The following SIM2 variants were observed in gnomAD, a reference collection of about 807,000 sequenced individuals.
The protein encoded by SIM2 is SIM bHLH transcription factor 2, also known as single-minded homolog 2.
A neutral mutation model predicts 64.8 loss-of-function variants in SIM2; 28 were observed. The observed-to-expected ratio is 0.43, with a 90% CI of 0.32 to 0.59. The LOEUF is 0.59. Ranked by LOEUF, SIM2 falls within the 20% of genes least tolerant of loss-of-function variation. SIM2 has a pLI of 0.07. For missense variants in SIM2, 847 were observed against 871.4 expected (o/e 0.97, Z 0.35); for synonymous variants, 408 against 391.1 (o/e 1.04, Z -0.51).
chr21:36,736,518 T>C (rs2089050548), intron 7 of SIM2, among the ~76,000 whole-genome samples: 1 of 152,170 alleles, frequency 6.6e-6, no homozygotes, highest in Non-Finnish European at 1.5e-5. Flanking sequence ...ACTCCCAGCC[T>C]CCAGAAACTT....
chr21:36,715,333 G>A (rs1295087603), intron 3 of SIM2, among the ~76,000 whole-genome samples: 1 of 152,098 alleles, frequency 6.6e-6, no homozygotes, highest in South Asian at 2.1e-4. Context: ...TATTGAATAG[G>A]ATGTCAAATA....
chr21:36,710,815 G>A (rs1285607436), intron 2 of SIM2, among the ~76,000 whole-genome samples: 3 of 152,200 alleles, frequency 2.0e-5, no homozygotes, highest in Non-Finnish European at 2.9e-5. Flanking sequence ...GTGTGGCCGC[G>A]GCGAGTAATG....
chr21:36,734,126 CCACCA>C (rs560325394), intron 7 of SIM2, among the ~76,000 whole-genome samples: 5 of 152,156 alleles, frequency 3.3e-5, no homozygotes, highest in Admixed American at 6.5e-5. Context: ...TCAGCCGTCA[CCACCA>C]CACCACACCA....
chr21:36,740,253 G>A (rs184653128), intron 7 of SIM2, among the ~76,000 whole-genome samples: 36 of 151,940 alleles, frequency 2.4e-4, no homozygotes, highest in African/African-American at 3.9e-4. Flanking sequence ...AGTCCCCCTC[G>A]TGCTTCAGCC....
intron 2 of SIM2, among the ~76,000 whole-genome samples, chr21:36,712,184 T>C (rs971342603): frequency 6.6e-6 from 1 of 152,226 alleles, no homozygotes; most frequent in Non-Finnish European, 1.5e-5. Context: ...CTAAGTACCA[T>C]AGAACTCCGG....
In SIM2 at chr21:36,743,213, A is replaced by G. The variant is rs146794308; in HGVS notation, c.999-174A>G. Among the ~76,000 whole-genome samples, 546 of 152,308 alleles carry G rather than the reference A, an allele frequency of 3.6e-3. 4 individuals carry two copies. Among genetic ancestry groups the G allele is most frequent in the African/African-American group, 0.012 (492 of 41,568 alleles). The stretch of plus-strand genomic sequence containing the variant: ...CTGGGGTGGCCCAGCCTGGGGCTGC[A>G]GATGGCTTTTATAATGAGGGTGAGC... On this transcript the variant is annotated intron_variant, in intron 8 of 10. Transcript: ENST00000290399.
At chr21:36,735,951 T>C (rs1162462935) in intron 7 of SIM2, among the ~76,000 whole-genome samples, 1 of 152,128 alleles carries the variant, frequency 6.6e-6, no homozygotes, top group African/African-American at 2.4e-5. Context: ...GAGGCCAGAC[T>C]TCCTATTCAG....
At position 36,748,109 on chromosome 21, in the gene SIM2, G is replaced by T; in HGVS notation, c.*17G>T. On this transcript the variant is annotated 3_prime_UTR_variant, in exon 11 of 11. Coordinates refer to ENST00000290399, the MANE Select transcript of SIM2 (RefSeq NM_005069.6). Reference sequence around the variant, plus strand: ...GGGAGGTGACCCGCTGGCCGCCCGCGCCAGGAGCCTGGACCCGGCCTCCCG... The same window carrying T: ...GGGAGGTGACCCGCTGGCCGCCCGCTCCAGGAGCCTGGACCCGGCCTCCCG... 8.4e-7 allele frequency: 1 copy of T among 1,194,592 alleles called. No homozygotes were observed. The highest frequency in any genetic ancestry group is 3.3e-4 in the Middle Eastern group (1 of 2,996). The allele number at this position is 1,194,592 out of a possible 1,614,324, so 74.0% of individuals were successfully genotyped here.
At position 36,749,736 on chromosome 21, in the gene SIM2, T is replaced by C. The variant is rs1467746556; in HGVS notation, c.*1644T>C. ...TAATTAAACCGTGATTCTTGAAAGG[T>C]GTAGGTTTGATTACTAGGAGATACC... On this transcript the variant is annotated 3_prime_UTR_variant, in exon 11 of 11. Coordinates refer to ENST00000290399, the MANE Select transcript of SIM2 (RefSeq NM_005069.6). 1 of 152,168 alleles carries C rather than the reference T, an allele frequency of 6.6e-6. No homozygotes were observed. Among genetic ancestry groups the C allele is most frequent in the Non-Finnish European group, 1.5e-5 (1 of 68,030 alleles). The allele number at this position is 152,168 out of a possible 1,614,324, so 9.4% of individuals were successfully genotyped here.
chr21:36,719,779 C>G (rs1396895950), intron 3 of SIM2, 42 bp from the exon 4 acceptor site: 1 of 1,260,432 alleles, frequency 7.9e-7, no homozygotes, highest in Admixed American at 1.7e-5. Context: ...GCGCCAATCC[C>G]AGAGAGGCGG....
intron 6 of SIM2, among the ~76,000 whole-genome samples, chr21:36,727,384 T>G (rs2088905986): frequency 6.6e-6 from 1 of 152,232 alleles, no homozygotes; most frequent in Non-Finnish European, 1.5e-5. Context: ...CGTTTGGTTT[T>G]CAGGGTTTTG....
At chr21:36,703,404 G>A (rs11702472) in intron 1 of SIM2, among the ~76,000 whole-genome samples, 10,671 of 152,194 alleles carry the variant, frequency 0.07, 463 homozygotes, top group Non-Finnish European at 0.094. Context: ...GAAGGGTGAG[G>A]TCCCACAAGC....
chr21:36,730,943 C>T, intron 6 of SIM2, 102 bp from the exon 7 acceptor site: 1 of 799,544 alleles, frequency 1.3e-6, no homozygotes, highest in Admixed American at 2.1e-5. Context: ...CATTTCCCGC[C>T]TGAGCCTTTT....
At chr21:36,737,962 A>AAAAAAAAAAAAAAAAAAAAAAAC (rs2089093026) in intron 7 of SIM2, among the ~76,000 whole-genome samples, 1 of 62,010 alleles carries the variant, frequency 1.6e-5, no homozygotes, top group African/African-American at 7.9e-5. Context: ...ACCCTGTCTC[A>AAAAAAAAAAAAAAAAAAAAAAAC]AAAAAAAAAA....
chr21:36,703,805 G>A lies in SIM2; in HGVS notation c.175+3884G>A, dbSNP rs181148379. ...GATAGGGGCTTTGGAAACTGCAAAA[G>A]CGTCCTGGCAGGCCAGCTCTGGTTG... is the stretch of plus-strand genomic sequence containing the variant. On this transcript the variant is annotated intron_variant, in intron 1 of 10. Coordinates refer to ENST00000290399, the MANE Select transcript of SIM2 (RefSeq NM_005069.6). Among the ~76,000 whole-genome samples the A allele has an allele frequency of 3.8e-3, 576 of 152,364 alleles. 3 individuals are homozygous for A. Among genetic ancestry groups the A allele is most frequent in the African/African-American group, 0.013 (550 of 41,588 alleles).
chr21:36,709,599 C>A (rs1348868987), intron 2 of SIM2: 2 of 422,172 alleles, frequency 4.7e-6, no homozygotes, highest in East Asian at 1.1e-4. Flanking sequence ...CTGTGCCAGG[C>A]GCCAGGGCTG....
chr21:36,743,512 C>A lies in SIM2; in HGVS notation c.1124C>A (p.Thr375Asn). The change falls in exon 9 of 11, where the codon ACC becomes AAC. Residue 375 changes from threonine to asparagine, a missense_variant. Coordinates refer to ENST00000290399, the MANE Select transcript of SIM2 (RefSeq NM_005069.6). ...AGGAAATTAGTGAAACCCAAAAATA[C>A]CAAGATGAAGACAAAGCTGAGAACA... Reference protein sequence around the residue: ...ETRKLVKPKNTKMKTKLRTNP... With the variant: ...ETRKLVKPKNNKMKTKLRTNP... 6.2e-7 allele frequency: 1 copy of A among 1,614,104 alleles called. No individual in the cohort carries two copies. Among genetic ancestry groups the A allele is most frequent in the Non-Finnish European group, 8.5e-7 (1 of 1,180,020 alleles).
chr21:36,743,087 C>CT (rs1460907398), intron 8 of SIM2, among the ~76,000 whole-genome samples: 3 of 152,198 alleles, frequency 2.0e-5, no homozygotes. Flanking sequence ...CTGCCTGTCT[C>CT]TTTTTCCCTT....
In SIM2 at chr21:36,726,273, T is replaced by C. The variant is rs760145034; in HGVS notation, c.698T>C (p.Met233Thr). 2.5e-6 allele frequency: 4 copies of C among 1,613,644 alleles called. No individual in the cohort carries two copies. Among genetic ancestry groups the C allele is most frequent in the South Asian group, 1.1e-5 (1 of 91,084 alleles). Residue 233 changes from methionine (M) to threonine (T), a missense_variant, in exon 6 of 11, where the codon ATG becomes ACG. By Grantham distance (81) the Met-to-Thr change is moderately conservative. Around this residue, in one of 3 missense-constraint regions of SIM2, gnomAD observed 397 missense variants for 439.2 expected, o/e 0.90. Coordinates refer to ENST00000290399, the MANE Select transcript of SIM2 (RefSeq NM_005069.6). The surrounding 1 kb of genome is among the most constrained non-coding windows in gnomAD (Gnocchi z 4.5). The part of the protein sequence containing the change: ...TEIKLYSNMF[M>T]FRASLDLKLI... The stretch of plus-strand genomic sequence containing the variant: ...ATCAAGCTGTACAGTAACATGTTCA[T>C]GTTCAGGGCCAGCCTTGACCTGAAG...
Sources: allele counts gnomAD v4.1 joint callset (sites outside exome capture counted in the v4.1 genomes callset), GRCh38; gene constraint gnomAD v4.1.1; regional missense constraint gnomAD v4.1.1; non-coding constraint Gnocchi (gnomAD v3.1); transcripts MANE v1.5; gene names NCBI Gene and HGNC (gene_info 2026-07-23, HGNC 2026-07-21).